Variants in OSTN observed in about 807,000 individuals in gnomAD.
OSTN encodes osteocrin.
In OSTN, 9 loss-of-function variants were observed where a neutral mutation model predicts 12.0. The ratio of observed to expected loss-of-function variants is 0.75; its 90% CI spans 0.45 to 1.30. The LOEUF (loss-of-function observed/expected upper bound fraction) is 1.30. OSTN is among the 50% of genes most tolerant of loss of function. OSTN has a pLI of 0.00. For missense variants in OSTN, 148 were observed against 152.3 expected (o/e 0.97, Z 0.15); for synonymous variants, 59 against 56.9 (o/e 1.04, Z -0.16).
At chr3:191,216,486 A>G (rs1324610753) in intron 2 of OSTN, among the ~76,000 whole-genome samples, 1 of 152,112 alleles carries the variant, frequency 6.6e-6, no homozygotes, top group Non-Finnish European at 1.5e-5. Context: ...CAGGCTGCAA[A>G]TTTTCCAAAC....
chr3:191,261,527 C>T (rs9821494), intron 4 of OSTN, among the ~76,000 whole-genome samples: 70,209 of 151,946 alleles, frequency 0.46, 17,197 homozygotes, highest in Non-Finnish European at 0.54. Context: ...GCATTAGACT[C>T]TCAGTTAATC....
chr3:191,249,805 C>T (rs1715518967), intron 3 of OSTN, among the ~76,000 whole-genome samples: 2 of 152,126 alleles, frequency 1.3e-5, no homozygotes, highest in South Asian at 4.1e-4. Context: ...AATAAGTTAA[C>T]TTCTCTAAGC....
At chr3:191,233,099 T>C (rs544892221) in intron 3 of OSTN, among the ~76,000 whole-genome samples, 131 of 152,112 alleles carry the variant, frequency 8.6e-4, no homozygotes, top group African/African-American at 3.1e-3. Context: ...AAAAGGAAAT[T>C]AACTCTACTT....
intron 1 of OSTN, among the ~76,000 whole-genome samples, chr3:191,205,941 T>A (rs188431640): frequency 1.4e-3 from 211 of 152,208 alleles, no homozygotes; most frequent in Non-Finnish European, 2.3e-3. Flanking sequence ...TCTCAGCACT[T>A]TGGGAGGCTG....
Position 191,227,260 on chromosome 3 carries a change from A to G in OSTN, c.317+8299A>G, listed in dbSNP as rs144043038. Among the ~76,000 whole-genome samples, 604 of 152,328 alleles carry G rather than the reference A, an allele frequency of 4.0e-3. 7 individuals are homozygous for G. The highest frequency in any genetic ancestry group is 0.014 in the African/African-American group (578 of 41,576). On this transcript the variant is annotated intron_variant, in intron 3 of 4. Coordinates refer to ENST00000682035, the MANE Select transcript of OSTN (RefSeq NM_198184.2). ...GATGCATAACATTCTTGTTATAAGA[A>G]AAAAGTGCACTATGATTTTACTGAT...
At chr3:191,232,331 T>TAAAAA (rs61313474) in intron 3 of OSTN, among the ~76,000 whole-genome samples, 4 of 67,484 alleles carry the variant, frequency 5.9e-5, no homozygotes, top group Admixed American at 3.2e-4. Flanking sequence ...AGACTCTGTC[T>TAAAAA]AAAAAAAAAA....
At chr3:191,212,684 A>C in intron 2 of OSTN, 50 bp downstream of exon 2, 1 of 815,292 alleles carries the variant, frequency 1.2e-6, no homozygotes, top group Non-Finnish European at 1.8e-6. Context: ...GACATGCTTT[A>C]TAAATGACAT....
chr3:191,207,885 A>G (rs1027210647), intron 1 of OSTN, among the ~76,000 whole-genome samples: 6 of 152,224 alleles, frequency 3.9e-5, no homozygotes, highest in African/African-American at 1.4e-4. Flanking sequence ...AGTTTGAAAG[A>G]TCCTTTCAGG....
intron 4 of OSTN, among the ~76,000 whole-genome samples, chr3:191,259,618 T>C (rs1448503487): frequency 6.6e-6 from 1 of 151,646 alleles, no homozygotes; most frequent in East Asian, 1.9e-4. Context: ...CTCCAAAAAG[T>C]CAAAAGTCAC....
chr3:191,231,347 A>T (rs961784041), intron 3 of OSTN, among the ~76,000 whole-genome samples: 1 of 151,340 alleles, frequency 6.6e-6, no homozygotes, highest in African/African-American at 2.4e-5. Context: ...TCATTAAAAA[A>T]ATCACACATA....
chr3:191,200,706 C>A (rs879452625), intron 1 of OSTN, among the ~76,000 whole-genome samples: 1 of 152,040 alleles, frequency 6.6e-6, no homozygotes, highest in Non-Finnish European at 1.5e-5. Context: ...TTTGAGGAAG[C>A]CCCCATGTCA....
intron 1 of OSTN, among the ~76,000 whole-genome samples, chr3:191,202,279 T>C (rs1034934771): frequency 6.6e-6 from 1 of 152,242 alleles, no homozygotes; most frequent in Non-Finnish European, 1.5e-5. Context: ...TTCAAAAGTT[T>C]ATGTATGACA....
chr3:191,226,503 A>T (rs886194127), intron 3 of OSTN, among the ~76,000 whole-genome samples: 3 of 152,226 alleles, frequency 2.0e-5, no homozygotes, highest in African/African-American at 7.2e-5. Context: ...AAGCACAAAC[A>T]TATCAGCTCC....
intron 3 of OSTN, among the ~76,000 whole-genome samples, 188 bp downstream of exon 3, chr3:191,219,149 C>T (rs1384998663): frequency 6.6e-6 from 1 of 152,180 alleles, no homozygotes; most frequent in Non-Finnish European, 1.5e-5. Flanking sequence ...AGCAAAATGA[C>T]TGCCGCAGTG....
At chr3:191,261,095 G>A (rs1329433548) in intron 4 of OSTN, among the ~76,000 whole-genome samples, 1 of 152,076 alleles carries the variant, frequency 6.6e-6, no homozygotes, top group Non-Finnish European at 1.5e-5. Context: ...TTAGGTCTTG[G>A]GTTCTCGTAA....
chr3:191,224,090 T>G (rs922416673), intron 3 of OSTN, among the ~76,000 whole-genome samples: 3 of 151,986 alleles, frequency 2.0e-5, no homozygotes, highest in African/African-American at 7.2e-5. Flanking sequence ...AGAAATGTAT[T>G]AATAAGGCCG....
chr3:191,211,564 A>C (rs1714417415), intron 1 of OSTN, among the ~76,000 whole-genome samples: 1 of 152,172 alleles, frequency 6.6e-6, no homozygotes, highest in South Asian at 2.1e-4. Flanking sequence ...AGCATTTTCA[A>C]CTTTTTTGTA....
At chr3:191,256,737 A>T (rs1008797481) in intron 4 of OSTN, among the ~76,000 whole-genome samples, 3 of 150,180 alleles carry the variant, frequency 2.0e-5, no homozygotes, top group Non-Finnish European at 4.4e-5. Flanking sequence ...TTACCTTTGT[A>T]TTCATGTATT....
At chr3:191,256,250 T>G (rs1031708662) in intron 4 of OSTN, among the ~76,000 whole-genome samples, 4 of 152,174 alleles carry the variant, frequency 2.6e-5, no homozygotes, top group African/African-American at 9.6e-5. Flanking sequence ...AACACACTTA[T>G]ATAAATATAA....
Sources: gnomAD v4.1 joint callset for allele counts (sites outside exome capture counted in the v4.1 genomes callset) on GRCh38, gnomAD v4.1.1 for gene constraint, MANE v1.5 for transcripts, NCBI Gene and HGNC (gene_info 2026-07-23, HGNC 2026-07-21) for gene names.